The following STK3 variants were observed in gnomAD, a reference collection of about 807,000 sequenced individuals.
STK3 encodes serine/threonine kinase 3, also known as serine/threonine-protein kinase 3.
In STK3, 41 loss-of-function variants were observed where a neutral mutation model predicts 58.0. The observed-to-expected ratio is 0.71, with a 90% CI of 0.55 to 0.92. The LOEUF (loss-of-function observed/expected upper bound fraction) is 0.92, where lower values mean the gene tolerates loss of function less well. Among genes scored for constraint, STK3 ranks in the 40% least tolerant of loss-of-function variants. The pLI, the probability that STK3 is intolerant of heterozygous loss-of-function variation, is 0.00. For synonymous variants in STK3, 170 were observed against 191.0 expected (o/e 0.89, Z 0.91); for missense variants, 479 against 602.7 (o/e 0.79, Z 2.15).
intron 4 of STK3, among the ~76,000 whole-genome samples, chr8:98,724,342 C>G (rs1439664627): frequency 6.6e-6 from 1 of 152,282 alleles, no homozygotes; most frequent in African/African-American, 2.4e-5. Context: ...TTTGAGCTGA[C>G]TCTAAAAGAG....
intron 2 of STK3, among the ~76,000 whole-genome samples, chr8:98,378,940 C>T (rs1817703195): frequency 1.3e-5 from 2 of 152,148 alleles, no homozygotes; most frequent in South Asian, 4.2e-4. Context: ...TATGAAAACC[C>T]CACTGAGAAC....
intron 7 of STK3, among the ~76,000 whole-genome samples, chr8:98,590,383 A>T (rs1476566417): frequency 6.6e-6 from 1 of 152,148 alleles, no homozygotes; most frequent in Non-Finnish European, 1.5e-5. Context: ...TTCCGAGGCG[A>T]TCGGGCAGTG....
At chr8:98,453,501 T>G (rs1293885005), downstream of STK3, among the ~76,000 whole-genome samples, 1 of 152,222 alleles carries the variant, frequency 6.6e-6, no homozygotes, top group Non-Finnish European at 1.5e-5. Flanking sequence ...TAAAATGTTT[T>G]GGAGTTTCCT....
intron 10 of STK3, among the ~76,000 whole-genome samples, chr8:98,456,283 A>G (rs549138043): frequency 6.2e-4 from 94 of 152,310 alleles, no homozygotes; most frequent in Admixed American, 2.0e-3. Context: ...TGGAATTTGT[A>G]AAAAGGTACA....
chr8:98,362,889 G>A, the STK3 span, among the ~76,000 whole-genome samples: 1 of 152,130 alleles, frequency 6.6e-6, no homozygotes, highest in Non-Finnish European at 1.5e-5. Context: ...TATTCTGCAG[G>A]TCTAATTTGG....
chr8:98,605,100 A>T (rs575685315), intron 6 of STK3, among the ~76,000 whole-genome samples: 1 of 152,112 alleles, frequency 6.6e-6, no homozygotes, highest in Non-Finnish European at 1.5e-5. Context: ...CAATTTAACA[A>T]GTCTCTAAGA....
chr8:98,697,153 T>C (rs1051942989), intron 6 of STK3, among the ~76,000 whole-genome samples: 2 of 152,234 alleles, frequency 1.3e-5, no homozygotes, highest in Non-Finnish European at 1.5e-5. Flanking sequence ...ATAGAGGTGT[T>C]TGTAGTATTC....
intron 3 of STK3, chr8:98,426,899 G>C (rs1184490817): frequency 1.3e-5 from 2 of 152,888 alleles, no homozygotes; most frequent in East Asian, 3.9e-4. Flanking sequence ...AGCGGCGGCG[G>C]CGGCTGCGCC....
At chr8:98,689,847 CCAT>C (rs1182454163) in intron 6 of STK3, among the ~76,000 whole-genome samples, 2 of 152,078 alleles carry the variant, frequency 1.3e-5, no homozygotes, top group Admixed American at 6.5e-5. Flanking sequence ...TAATTCACCA[CCAT>C]CAAGTGGGCT....
intron 6 of STK3, among the ~76,000 whole-genome samples, chr8:98,610,387 G>T (rs1031311854): frequency 6.6e-6 from 1 of 152,150 alleles, no homozygotes; most frequent in African/African-American, 2.4e-5. Context: ...ACTATTAGAA[G>T]ATCAGAATAT....
At chr8:98,432,073 A>C (rs1694975770) in intron 3 of STK3, 1 of 167,020 alleles carries the variant, frequency 6.0e-6, no homozygotes, top group Admixed American at 6.5e-5. Context: ...AAGTCTCACT[A>C]AGGTTTGAAG....
chr8:98,364,230 A>C, the STK3 span, among the ~76,000 whole-genome samples: 2 of 152,094 alleles, frequency 1.3e-5, no homozygotes, highest in Admixed American at 6.5e-5. Flanking sequence ...GCTGGGTCTC[A>C]CATACAGCGC....
At chr8:98,897,177 C>T (rs770707749) in intron 1 of STK3, among the ~76,000 whole-genome samples, 2 of 152,184 alleles carry the variant, frequency 1.3e-5, no homozygotes, top group Admixed American at 6.5e-5. Flanking sequence ...ATCAGTCTCA[C>T]TTCCTCTGAG....
intron 1 of STK3, among the ~76,000 whole-genome samples, chr8:98,934,233 A>G (rs112219823): frequency 1.3e-5 from 2 of 152,144 alleles, no homozygotes; most frequent in African/African-American, 4.8e-5. Context: ...TTCATTTCCT[A>G]TTCCATCTTC....
At chr8:98,554,283 T>C (rs1222820772) in intron 8 of STK3, among the ~76,000 whole-genome samples, 1 of 152,150 alleles carries the variant, frequency 6.6e-6, no homozygotes, top group African/African-American at 2.4e-5. Flanking sequence ...ATATCTTATT[T>C]TGTCACGGTT....
chr8:98,474,355 T>C (rs760063628), intron 10 of STK3, among the ~76,000 whole-genome samples: 14 of 152,190 alleles, frequency 9.2e-5, no homozygotes, highest in Non-Finnish European at 1.9e-4. Flanking sequence ...AATGGCTCTT[T>C]CTTGCATATG....
chr8:98,612,445 A>C (rs184444654), intron 6 of STK3, among the ~76,000 whole-genome samples: 2 of 149,630 alleles, frequency 1.3e-5, no homozygotes, highest in Admixed American at 1.3e-4. Context: ...TATCAATTCT[A>C]TATATATATC....
chr8:98,649,124 T>C (rs1033601055), intron 6 of STK3, among the ~76,000 whole-genome samples: 5 of 152,272 alleles, frequency 3.3e-5, no homozygotes, highest in Non-Finnish European at 1.5e-5. Context: ...ATCATCTTCC[T>C]ATGTGTCATT....
chr8:98,408,577 G>A (rs1818022622), intron 3 of STK3, among the ~76,000 whole-genome samples: 1 of 152,186 alleles, frequency 6.6e-6, no homozygotes, highest in African/African-American at 2.4e-5. Flanking sequence ...CTGGGCTTAA[G>A]GGAAGACTCA....
Sources: gnomAD v4.1 joint callset for allele counts (sites outside exome capture counted in the v4.1 genomes callset) on GRCh38, gnomAD v4.1.1 for gene constraint, MANE v1.5 for transcripts, NCBI Gene and HGNC (gene_info 2026-07-23, HGNC 2026-07-21) for gene names.